The following PALM2AKAP2 variants were observed in gnomAD, a reference collection of about 807,000 sequenced individuals.
PALM2AKAP2 encodes the protein PALM2-AKAP2 fusion protein.
In PALM2AKAP2, 37 loss-of-function variants were observed where a neutral mutation model predicts 71.5. That is an observed-to-expected ratio of 0.52 (90% CI 0.40 to 0.68). PALM2AKAP2 has a LOEUF of 0.68. Ranked by LOEUF, PALM2AKAP2 falls within the 30% of genes least tolerant of loss-of-function variation. PALM2AKAP2 has a pLI of 0.00. For synonymous variants in PALM2AKAP2, 468 were observed against 478.8 expected, an observed-to-expected ratio of 0.98 and a Z score of 0.29; for missense variants, 1,224 against 1,191.8, an observed-to-expected ratio of 1.03 and a Z score of -0.40.
intron 1 of PALM2AKAP2, among the ~76,000 whole-genome samples, chr9:109,837,572 A>G (rs982686464): frequency 6.6e-6 from 1 of 152,186 alleles, no homozygotes; most frequent in African/African-American, 2.4e-5. Context: ...CAAGTAAAAG[A>G]CACAGACTGG....
chr9:109,663,027 T>A (rs1379893923), intron 1 of PALM2AKAP2, among the ~76,000 whole-genome samples: 2 of 152,132 alleles, frequency 1.3e-5, no homozygotes, highest in Non-Finnish European at 2.9e-5. Flanking sequence ...CCTTTATCAT[T>A]TTTTTATTGC....
intron 1 of PALM2AKAP2, among the ~76,000 whole-genome samples, chr9:109,759,283 A>C (rs4246875): frequency 0.64 from 97,587 of 151,876 alleles, 31,813 homozygotes; most frequent in South Asian, 0.76. Context: ...CTTAGATGTG[A>C]TGTATCCTCA....
chr9:109,728,176 A>G (rs537127068), intron 1 of PALM2AKAP2, among the ~76,000 whole-genome samples: 45 of 152,388 alleles, frequency 3.0e-4, no homozygotes, highest in Non-Finnish European at 4.9e-4. Context: ...AGAACTTTCT[A>G]TCAGGAAAAT....
chr9:110,013,811 A>G (rs1832925881), intron 6 of PALM2AKAP2, among the ~76,000 whole-genome samples: 1 of 152,226 alleles, frequency 6.6e-6, no homozygotes, highest in Non-Finnish European at 1.5e-5. Context: ...AGCATCATGT[A>G]ATTTCAAGTA....
At chr9:109,712,530 C>A (rs1245857280) in intron 1 of PALM2AKAP2, among the ~76,000 whole-genome samples, 2 of 152,196 alleles carry the variant, frequency 1.3e-5, no homozygotes, top group African/African-American at 4.8e-5. Flanking sequence ...TGTTTTGATG[C>A]CTTCTGTCTT....
In PALM2AKAP2 at chr9:109,851,216, A is replaced by AC. The variant is rs55717978; in HGVS notation, c.46-16275_46-16274insC. ...CAACAACAACAACAACAACAAAAAA[A>AC]AAAAAACACTACCTGGTAGTGTTTA... On this transcript the variant is annotated intron_variant, in intron 1 of 9. Transcript: ENST00000302798. 3.7e-3 allele frequency among the ~76,000 whole-genome samples: 538 copies of AC among 146,462 alleles called. 1 individual carries two copies. Among genetic ancestry groups the AC allele is most frequent in the African/African-American group, 0.012 (460 of 37,986 alleles).
At chr9:109,676,454 A>G (rs1036604703) in intron 1 of PALM2AKAP2, among the ~76,000 whole-genome samples, 2 of 152,142 alleles carry the variant, frequency 1.3e-5, no homozygotes, top group African/African-American at 4.8e-5. Flanking sequence ...TCAGTTTTGT[A>G]TATACTGTGT....
At chr9:109,997,389 T>G (rs949673872) in intron 6 of PALM2AKAP2, among the ~76,000 whole-genome samples, 1 of 152,160 alleles carries the variant, frequency 6.6e-6, no homozygotes, top group Non-Finnish European at 1.5e-5. Flanking sequence ...TAGTACATCC[T>G]CTGGATAGTC....
chr9:110,056,413 A>C (rs1833842648), intron 1 of PALM2AKAP2, among the ~76,000 whole-genome samples: 2 of 152,208 alleles, frequency 1.3e-5, no homozygotes, highest in African/African-American at 2.4e-5. Flanking sequence ...GGTTGGAGGA[A>C]TGACTTTCCC....
chr9:109,659,264 G>A (rs1021276112), intron 1 of PALM2AKAP2, among the ~76,000 whole-genome samples: 2 of 152,170 alleles, frequency 1.3e-5, no homozygotes, highest in African/African-American at 2.4e-5. Context: ...TTTATAAAGT[G>A]TACTGTTCAA....
At chr9:109,961,445 A>G (rs1831849402) in intron 6 of PALM2AKAP2, among the ~76,000 whole-genome samples, 1 of 152,234 alleles carries the variant, frequency 6.6e-6, no homozygotes, top group Non-Finnish European at 1.5e-5. Context: ...ATGAAAGGGC[A>G]GAACCAGTTG....
intron 1 of PALM2AKAP2, among the ~76,000 whole-genome samples, chr9:110,073,132 A>G (rs1834242788): frequency 6.6e-6 from 1 of 152,238 alleles, no homozygotes; most frequent in Admixed American, 6.5e-5. Context: ...CTTTTGTAAT[A>G]ATCATCATAG....
chr9:109,682,223 A>G (rs1359439238), intron 1 of PALM2AKAP2, among the ~76,000 whole-genome samples: 1 of 152,234 alleles, frequency 6.6e-6, no homozygotes, highest in African/African-American at 2.4e-5. Context: ...AGCTCAAAAC[A>G]TAATTTGTAA....
chr9:109,788,802 G>A (rs1044698251), intron 1 of PALM2AKAP2, among the ~76,000 whole-genome samples: 1 of 152,206 alleles, frequency 6.6e-6, no homozygotes, highest in Non-Finnish European at 1.5e-5. Context: ...GCCGGGTGCG[G>A]TGGCGCACTC....
chr9:109,990,900 C>T (rs962483667), intron 6 of PALM2AKAP2, among the ~76,000 whole-genome samples: 7 of 152,134 alleles, frequency 4.6e-5, no homozygotes, highest in Admixed American at 1.3e-4. Flanking sequence ...AGGCTTTTTC[C>T]GCATTTTCCA....
intron 1 of PALM2AKAP2, among the ~76,000 whole-genome samples, chr9:109,657,938 TTGTGTGTGTGTGTG>T (rs35984840): frequency 3.5e-5 from 5 of 142,436 alleles, no homozygotes; most frequent in African/African-American, 7.9e-5. Flanking sequence ...TTGTGTGTGT[TTGTGTGTGTGTGTG>T]TGTGTGTGTG....
At chr9:109,681,006 G>C (rs1439517916) in intron 1 of PALM2AKAP2, among the ~76,000 whole-genome samples, 5 of 152,186 alleles carry the variant, frequency 3.3e-5, no homozygotes, top group African/African-American at 7.2e-5. Context: ...AAGGAAAATG[G>C]AAAGTCTTAT....
At chr9:110,012,931 A>C (rs769878109) in intron 6 of PALM2AKAP2, among the ~76,000 whole-genome samples, 29 of 152,250 alleles carry the variant, frequency 1.9e-4, no homozygotes, top group Admixed American at 6.5e-5. Context: ...TAAAGGTAAA[A>C]ATACTTGATC....
chr9:109,870,236 G>C (rs897184634), intron 2 of PALM2AKAP2, among the ~76,000 whole-genome samples: 16 of 152,224 alleles, frequency 1.1e-4, no homozygotes, highest in Non-Finnish European at 2.2e-4. Context: ...ATGAGGAAAG[G>C]GTTGCCTGAT....
Sources: gnomAD v4.1 joint callset for allele counts (sites outside exome capture counted in the v4.1 genomes callset) on GRCh38, gnomAD v4.1.1 for gene constraint, MANE v1.5 for transcripts, NCBI Gene and HGNC (gene_info 2026-07-23, HGNC 2026-07-21) for gene names.